Variants in PAWR observed in about 807,000 individuals in gnomAD.
PAWR encodes the protein PRKC apoptosis WT1 regulator protein.
Under a neutral mutation model 32.0 loss-of-function variants are expected in PAWR, and 23 were observed. The observed-to-expected ratio is 0.72, with a 90% CI of 0.52 to 1.02. PAWR has a LOEUF of 1.02. Among genes scored for constraint, PAWR ranks in the 50% least tolerant of loss-of-function variants. The pLI is 0.00. For missense variants in PAWR, 457 were observed against 437.7 expected, an observed-to-expected ratio of 1.04 and a Z score of -0.39; for synonymous variants, 226 against 187.1, an observed-to-expected ratio of 1.21 and a Z score of -1.70.
chr12:79,686,272 G>A (rs1327976355), intron 2 of PAWR, among the ~76,000 whole-genome samples: 4 of 152,140 alleles, frequency 2.6e-5, no homozygotes, highest in African/African-American at 9.7e-5. Context: ...GTATGTAACT[G>A]TCTAGGAAGC....
At chr12:79,626,586 T>G (rs902186019) in intron 2 of PAWR, among the ~76,000 whole-genome samples, 2 of 151,934 alleles carry the variant, frequency 1.3e-5, no homozygotes. Context: ...TTCCTTTTTT[T>G]TTTTAATTTT....
intron 4 of PAWR, among the ~76,000 whole-genome samples, chr12:79,611,154 A>T (rs1364263493): frequency 6.8e-6 from 1 of 146,904 alleles, no homozygotes; most frequent in East Asian, 1.9e-4. Flanking sequence ...ATATATATAT[A>T]TTTATATAAA....
intron 2 of PAWR, among the ~76,000 whole-genome samples, chr12:79,625,367 T>C (rs895923442): frequency 1.3e-5 from 2 of 152,128 alleles, no homozygotes; most frequent in African/African-American, 4.8e-5. Flanking sequence ...AGCTGAATTT[T>C]ATCCAAATTT....
intron 4 of PAWR, among the ~76,000 whole-genome samples, chr12:79,602,812 A>C: frequency 7.1e-6 from 1 of 141,174 alleles, no homozygotes; most frequent in Non-Finnish European, 1.5e-5. Context: ...CACTATGTTG[A>C]CCAGGCTGGT....
chr12:79,667,421 C>A (rs1328689492), intron 2 of PAWR, among the ~76,000 whole-genome samples: 1 of 152,052 alleles, frequency 6.6e-6, no homozygotes, highest in Non-Finnish European at 1.5e-5. Flanking sequence ...AAATAGTTTA[C>A]AAGATTACAT....
At chr12:79,616,160 C>T (rs1874722346) in intron 3 of PAWR, among the ~76,000 whole-genome samples, 1 of 151,992 alleles carries the variant, frequency 6.6e-6, no homozygotes, top group South Asian at 2.1e-4. Flanking sequence ...TAATATTACC[C>T]TATATGAACT....
Position 79,592,589 on chromosome 12 carries a change from C to T in PAWR, c.*18G>A, listed in dbSNP as rs1041104761. On this transcript the variant is annotated 3_prime_UTR_variant, in exon 7 of 7. Coordinates refer to ENST00000328827, the MANE Select transcript of PAWR (RefSeq NM_002583.4). ...TCAGTAGTTTAAAATATTTTTTCCACATTGAGTCTTGAATCCTCTACCTGG... is the reference window on the plus strand; with the variant it reads ...TCAGTAGTTTAAAATATTTTTTCCATATTGAGTCTTGAATCCTCTACCTGG... 1.3e-6 allele frequency: 1 copy of T among 752,066 alleles called. No individual in the cohort carries two copies. Among genetic ancestry groups the T allele is most frequent in the Non-Finnish European group, 2.4e-6 (1 of 411,762 alleles). 46.6% of individuals were successfully genotyped at this position (752,066 alleles called of 1,614,324 possible). A position where few individuals can be genotyped will look rare whatever the true frequency, so the allele number is the denominator to read the frequency against.
At chr12:79,595,481 C>T (rs531893436) in intron 5 of PAWR, among the ~76,000 whole-genome samples, 74 of 152,340 alleles carry the variant, frequency 4.9e-4, no homozygotes, top group Non-Finnish European at 9.4e-4. Flanking sequence ...TTGTGGAACT[C>T]ACGAAGCCTT....
intron 4 of PAWR, among the ~76,000 whole-genome samples, chr12:79,610,216 A>T (rs541377181): frequency 1.3e-5 from 2 of 152,360 alleles, no homozygotes; most frequent in Admixed American, 1.3e-4. Context: ...GTTTGCCAGG[A>T]ATGCCTGAGA....
At chr12:79,661,244 G>C (rs1184116730) in intron 2 of PAWR, among the ~76,000 whole-genome samples, 1 of 115,898 alleles carries the variant, frequency 8.6e-6, no homozygotes, top group Non-Finnish European at 1.6e-5. Context: ...GCGAGACTCT[G>C]TCTCAAAAAA....
At chr12:79,659,619 T>A (rs1032765348) in intron 2 of PAWR, among the ~76,000 whole-genome samples, 12 of 152,198 alleles carry the variant, frequency 7.9e-5, no homozygotes, top group African/African-American at 2.9e-4. Context: ...TTTACAACTA[T>A]GCACATTTCT....
At chr12:79,673,294 C>T (rs1327256990) in intron 2 of PAWR, among the ~76,000 whole-genome samples, 1 of 152,160 alleles carries the variant, frequency 6.6e-6, no homozygotes, top group Non-Finnish European at 1.5e-5. Flanking sequence ...TGGTCTTGAT[C>T]TCCTGACCTC....
At chr12:79,605,866 G>A (rs939271822) in intron 4 of PAWR, among the ~76,000 whole-genome samples, 3 of 152,136 alleles carry the variant, frequency 2.0e-5, no homozygotes, top group African/African-American at 7.2e-5. Flanking sequence ...TTGAGGCCAG[G>A]ATTTCAAGAT....
intron 4 of PAWR, among the ~76,000 whole-genome samples, chr12:79,608,432 T>C (rs1192030856): frequency 1.3e-5 from 2 of 152,106 alleles, no homozygotes; most frequent in Non-Finnish European, 2.9e-5. Flanking sequence ...CGCGCGCTCC[T>C]ATGAGAATCT....
Position 79,613,666 on chromosome 12 carries a change from TTATATA to T in PAWR, c.649-63_649-58del. The T allele has an allele frequency of 1.2e-5, 10 of 862,448 alleles. No homozygotes were observed. The Admixed American group carries it at 2.2e-4, about 19-fold the overall frequency. 53.4% of individuals were successfully genotyped at this position (862,448 alleles called of 1,614,324 possible). On this transcript the variant is annotated intron_variant, in intron 3 of 6. Coordinates refer to ENST00000328827, the MANE Select transcript of PAWR (RefSeq NM_002583.4). Reference sequence around the variant, plus strand: ...GAGTATGTATGTACACAATTACTTATTATATAAAATAGTTGATAGAGAATACCTAAT... The same window carrying T: ...GAGTATGTATGTACACAATTACTTATAAATAGTTGATAGAGAATACCTAAT...
intron 2 of PAWR, among the ~76,000 whole-genome samples, chr12:79,651,954 T>C (rs1361458018): frequency 6.6e-6 from 1 of 152,196 alleles, no homozygotes; most frequent in African/African-American, 2.4e-5. Flanking sequence ...GTAACATAGA[T>C]GCACCTTTGA....
chr12:79,666,989 T>C (rs1168966385), intron 2 of PAWR, among the ~76,000 whole-genome samples: 1 of 152,184 alleles, frequency 6.6e-6, no homozygotes, highest in African/African-American at 2.4e-5. Context: ...CAAACCTGCC[T>C]CTGACCTAGA....
intron 2 of PAWR, among the ~76,000 whole-genome samples, chr12:79,687,021 C>A (rs896986716): frequency 2.0e-5 from 3 of 152,072 alleles, no homozygotes; most frequent in Non-Finnish European, 4.4e-5. Context: ...TAAACACACA[C>A]AAAAATTACT....
chr12:79,661,043 G>A (rs922938688), intron 2 of PAWR, among the ~76,000 whole-genome samples: 2 of 151,762 alleles, frequency 1.3e-5, no homozygotes, highest in East Asian at 3.9e-4. Flanking sequence ...CGAGGTGGGT[G>A]TATCACTTGA....
Sources: gnomAD v4.1 joint callset for allele counts (sites outside exome capture counted in the v4.1 genomes callset) on GRCh38, gnomAD v4.1.1 for gene constraint, MANE v1.5 for transcripts, NCBI Gene and HGNC (gene_info 2026-07-23, HGNC 2026-07-21) for gene names.